STAG1: variants seen among roughly 807,000 people sequenced by gnomAD.
STAG1 encodes cohesin subunit SA-1.
Under a neutral mutation model 170.9 loss-of-function variants are expected in STAG1, and 26 were observed. The ratio of observed to expected loss-of-function variants is 0.15; its 90% confidence interval spans 0.11 to 0.21. STAG1 has a LOEUF of 0.21. Among genes scored for constraint, STAG1 ranks in the 10% least tolerant of loss-of-function variants. The probability of loss-of-function intolerance (pLI) is 1.00; values close to 1 mark genes in which losing one functional copy is unlikely to be tolerated. For missense variants in STAG1, 964 were observed against 1,509.5 expected (o/e 0.64, Z 5.99); for synonymous variants, 514 against 497.7 (o/e 1.03, Z -0.44).
chr3:136,539,381 GGTTAA>G (rs1289890404), intron 6 of STAG1, among the ~76,000 whole-genome samples: 1 of 152,156 alleles, frequency 6.6e-6, no homozygotes, highest in Non-Finnish European at 1.5e-5. Flanking sequence ...AAATCTGCAA[GGTTAA>G]GTTATCACGG....
intron 1 of STAG1, among the ~76,000 whole-genome samples, chr3:136,715,583 G>A (rs992660522): frequency 7.2e-5 from 11 of 151,996 alleles, no homozygotes; most frequent in Non-Finnish European, 1.5e-5. Context: ...TCACACCACT[G>A]CACTCCAGCC....
At chr3:136,477,511 G>T in intron 9 of STAG1, 99 bp from the exon 10 acceptor site, 2 of 1,123,208 alleles carry the variant, frequency 1.8e-6, no homozygotes, top group East Asian at 2.6e-5. Flanking sequence ...AATGCTGTTT[G>T]TATATATTTG....
rs999093524 is a variant in STAG1 at position 136,444,763 on chromosome 3, T to C, written c.1429-1359A>G. Among the ~76,000 whole-genome samples the C allele has an allele frequency of 8.5e-5, 13 of 152,348 alleles. 3 individuals carry two copies. The highest frequency in any genetic ancestry group is 2.4e-5 in the African/African-American group (1 of 41,582). ...AAAGTATGAAAGTCACCCTTCTAGA[T>C]CTACTATTGGTTATCTACTGTTATC... On this transcript the variant is annotated intron_variant, in intron 14 of 33. Coordinates refer to ENST00000383202, the MANE Select transcript of STAG1 (RefSeq NM_005862.3).
chr3:136,613,220 G>A (rs1206835870), intron 3 of STAG1, among the ~76,000 whole-genome samples: 3 of 142,036 alleles, frequency 2.1e-5, no homozygotes, highest in South Asian at 2.3e-4. Flanking sequence ...CAGGAGAACG[G>A]TGTGAACCCA....
chr3:136,433,527 T>C (rs767014577), intron 16 of STAG1, 29 bp downstream of exon 16: 28 of 1,535,316 alleles, frequency 1.8e-5, no homozygotes, highest in Non-Finnish European at 2.2e-5. Flanking sequence ...TAAAAACCTT[T>C]TAGGAGATTT....
chr3:136,669,914 A>G (rs1057465627), intron 1 of STAG1, among the ~76,000 whole-genome samples: 2 of 152,250 alleles, frequency 1.3e-5, no homozygotes, highest in Admixed American at 1.3e-4. Context: ...ATACCATAAT[A>G]GTTAAAGAAT....
At chr3:136,456,060 G>A (rs2089103277) in intron 13 of STAG1, among the ~76,000 whole-genome samples, 1 of 152,156 alleles carries the variant, frequency 6.6e-6, no homozygotes. Context: ...AAGAAAACTT[G>A]CAAAAAAGTG....
At chr3:136,373,611 G>T (rs919532874) in intron 23 of STAG1, among the ~76,000 whole-genome samples, 16 of 152,082 alleles carry the variant, frequency 1.1e-4, no homozygotes, top group African/African-American at 3.4e-4. Context: ...TATGTACCCA[G>T]TAGTCATTCA....
intron 1 of STAG1, among the ~76,000 whole-genome samples, chr3:136,683,650 A>G (rs1050133710): frequency 6.6e-6 from 1 of 152,198 alleles, no homozygotes; most frequent in East Asian, 1.9e-4. Context: ...GCAACAAGGC[A>G]AGGATGCCCT....
chr3:136,675,715 C>A (rs891998486), intron 1 of STAG1, among the ~76,000 whole-genome samples: 1 of 152,146 alleles, frequency 6.6e-6, no homozygotes, highest in Admixed American at 6.5e-5. Flanking sequence ...ATCCTCCCCA[C>A]CCCTACTCCC....
At chr3:136,525,818 A>G (rs1934987210) in intron 6 of STAG1, among the ~76,000 whole-genome samples, 1 of 152,190 alleles carries the variant, frequency 6.6e-6, no homozygotes, top group Non-Finnish European at 1.5e-5. Context: ...CTGGTTTCAA[A>G]CAACATCTTT....
At chr3:136,596,108 C>A (rs886079444) in intron 4 of STAG1, among the ~76,000 whole-genome samples, 1 of 152,188 alleles carries the variant, frequency 6.6e-6, no homozygotes, top group Non-Finnish European at 1.5e-5. Flanking sequence ...CTGAATATTA[C>A]ATAAATTTAT....
intron 6 of STAG1, among the ~76,000 whole-genome samples, chr3:136,525,243 T>C (rs1333827477): frequency 1.3e-5 from 2 of 152,224 alleles, no homozygotes. Flanking sequence ...TTTTGGTTGG[T>C]AGGCTATTAA....
chr3:136,543,354 T>G (rs971327306), intron 5 of STAG1, among the ~76,000 whole-genome samples: 1 of 152,190 alleles, frequency 6.6e-6, no homozygotes, highest in Non-Finnish European at 1.5e-5. Flanking sequence ...CTTATCAATA[T>G]GCACTCAGTA....
chr3:136,441,573 A>G (rs975369313), intron 15 of STAG1, among the ~76,000 whole-genome samples: 6 of 152,204 alleles, frequency 3.9e-5, no homozygotes, highest in African/African-American at 1.4e-4. Context: ...GTTTGTCTCA[A>G]TGAATTATGT....
At chr3:136,350,324 G>A (rs1576378372) in intron 28 of STAG1, among the ~76,000 whole-genome samples, 1 of 152,154 alleles carries the variant, frequency 6.6e-6, no homozygotes, top group East Asian at 1.9e-4. Context: ...CTAGTTCCCA[G>A]GCTACCCTGA....
intron 7 of STAG1, among the ~76,000 whole-genome samples, chr3:136,517,688 TCA>T (rs1334735028): frequency 2.0e-5 from 3 of 152,056 alleles, no homozygotes; most frequent in Admixed American, 6.6e-5. Flanking sequence ...GTTCCCAGTC[TCA>T]GATTGTAAAT....
chr3:136,583,305 T>C (rs1259964191), intron 4 of STAG1, among the ~76,000 whole-genome samples: 1 of 152,344 alleles, frequency 6.6e-6, no homozygotes, highest in Middle Eastern at 3.4e-3. Flanking sequence ...TTTAACATGA[T>C]GTATTCTAGA....
At chr3:136,720,169 T>G (rs939526550) in intron 1 of STAG1, among the ~76,000 whole-genome samples, 27 of 141,364 alleles carry the variant, frequency 1.9e-4, no homozygotes, top group African/African-American at 6.9e-4. Flanking sequence ...AGAGCGAAAT[T>G]CCGTCTCAAA....
Sources: gnomAD v4.1 joint callset for allele counts (sites outside exome capture counted in the v4.1 genomes callset) on GRCh38, gnomAD v4.1.1 for gene constraint, MANE v1.5 for transcripts, NCBI Gene and HGNC (gene_info 2026-07-23, HGNC 2026-07-21) for gene names.